ATP2A2: variants seen among roughly 807,000 people sequenced by gnomAD.
ATP2A2 encodes the protein sarcoplasmic/endoplasmic reticulum calcium ATPase 2.
A neutral mutation model predicts 109.3 loss-of-function variants in ATP2A2; 14 were observed. The ratio of observed to expected loss-of-function variants is 0.13; its 90% CI spans 0.08 to 0.20. The LOEUF is 0.20. Ranked by LOEUF, ATP2A2 falls within the 10% of genes least tolerant of loss-of-function variation. The pLI, the probability that ATP2A2 is intolerant of heterozygous loss-of-function variation, is 1.00. For missense variants in ATP2A2, 657 were observed against 1,321.6 expected (o/e 0.50, Z 7.80); for synonymous variants, 506 against 490.9 (o/e 1.03, Z -0.41).
intron 18 of ATP2A2, 70 bp from the exon 19 acceptor site, chr12:110,345,930 AG>A: frequency 6.9e-7 from 1 of 1,448,896 alleles, no homozygotes; most frequent in Non-Finnish European, 9.7e-7. Context: ...GTAGTCCAAC[AG>A]GGTCTTACTG....
intron 3 of ATP2A2, among the ~76,000 whole-genome samples, chr12:110,290,121 A>G (rs959982917): frequency 3.3e-5 from 5 of 152,254 alleles, no homozygotes; most frequent in African/African-American, 1.2e-4. Flanking sequence ...TACAAAATAC[A>G]CTTCGGATCT....
intron 5 of ATP2A2, 71 bp downstream of exon 5, chr12:110,296,808 A>G (rs1172589279): frequency 4.6e-6 from 7 of 1,505,964 alleles, no homozygotes; most frequent in Non-Finnish European, 6.4e-6. Flanking sequence ...CTCAAGGCTC[A>G]TAATTATATT....
At chr12:110,312,849 CAA>C (rs34180879) in intron 5 of ATP2A2, among the ~76,000 whole-genome samples, 37 of 66,076 alleles carry the variant, frequency 5.6e-4, no homozygotes, top group Admixed American at 8.5e-4. Context: ...GACTCTGTTG[CAA>C]AAAAAAAAAA....
At position 110,350,558 on chromosome 12, in the gene ATP2A2, CT is replaced by C; in HGVS notation, c.*4091del. On this transcript the variant is annotated 3_prime_UTR_variant, in exon 20 of 20. Coordinates refer to ENST00000539276, the MANE Select transcript of ATP2A2 (RefSeq NM_170665.4). ...AAGCCTCTCCAGAGAAGTTTGGTTT[CT>C]TTGCTGCAAGAGGAATGAGGCTCTG... 1 of 597,192 alleles carries C rather than the reference CT, an allele frequency of 1.7e-6. No homozygotes were observed. The highest frequency in any genetic ancestry group is 2.9e-6 in the Non-Finnish European group (1 of 349,422). 37.0% of individuals were successfully genotyped at this position (597,192 alleles called of 1,614,324 possible).
At chr12:110,311,735 A>T (rs1319584778) in intron 5 of ATP2A2, among the ~76,000 whole-genome samples, 76 of 130,896 alleles carry the variant, frequency 5.8e-4, no homozygotes, top group African/African-American at 2.2e-3. Flanking sequence ...AATTGTTTAA[A>T]AAAAAAAAAA....
At chr12:110,335,285 G>A (rs1878735732) in intron 11 of ATP2A2, among the ~76,000 whole-genome samples, 1 of 152,218 alleles carries the variant, frequency 6.6e-6, no homozygotes, top group Non-Finnish European at 1.5e-5. Context: ...ACGGCTGCTG[G>A]TGAAGAATGG....
rs1566242221 is a variant in ATP2A2 at position 110,344,977 on chromosome 12, C to T, written c.2607+6C>T. On this transcript the variant is annotated splice_donor_region_variant and intron_variant, in intron 17 of 19. Coordinates refer to ENST00000539276, the MANE Select transcript of ATP2A2 (RefSeq NM_170665.4). The stretch of plus-strand genomic sequence containing the variant: ...GAGTGTCCTTCTACCAGCTGGTACT[C>T]AGTCACCTTTCTTTCTGTACCTTAC... The T allele has an allele frequency of 6.2e-7, 1 of 1,613,766 alleles. No individual in the cohort carries two copies. Among genetic ancestry groups the T allele is most frequent in the Admixed American group, 1.7e-5 (1 of 60,026 alleles).
chr12:110,286,327 C>A (rs1566198196), intron 3 of ATP2A2, among the ~76,000 whole-genome samples: 1 of 152,158 alleles, frequency 6.6e-6, no homozygotes, highest in Non-Finnish European at 1.5e-5. Flanking sequence ...GAAGAGAATA[C>A]TCAAAGCATT....
Position 110,347,508 on chromosome 12 carries a change from G to A in ATP2A2, c.*1038G>A. 1 of 1,288,910 alleles carries A rather than the reference G, an allele frequency of 7.8e-7. No homozygotes were observed. The highest frequency in any genetic ancestry group is 1.0e-6 in the Non-Finnish European group (1 of 988,536). The allele number at this position is 1,288,910 out of a possible 1,614,324, so 79.8% of individuals were successfully genotyped here. Reference sequence around the variant, plus strand: ...TGTACAGGCACTAATTGTCATCTGTGATGTACATTTTATGCAAGTTTCTGC... The same window carrying A: ...TGTACAGGCACTAATTGTCATCTGTAATGTACATTTTATGCAAGTTTCTGC... On this transcript the variant is annotated 3_prime_UTR_variant, in exon 20 of 20. Transcript: ENST00000539276.
At position 110,346,753 on chromosome 12, in the gene ATP2A2, T is replaced by C; in HGVS notation, c.*283T>C. 8.1e-7 allele frequency: 1 copy of C among 1,238,620 alleles called. No individual in the cohort carries two copies. The highest frequency in any genetic ancestry group is 4.3e-5 in the East Asian group (1 of 23,212). The allele number at this position is 1,238,620 out of a possible 1,614,324, so 76.7% of individuals were successfully genotyped here. A position where few individuals can be genotyped will look rare whatever the true frequency, so the allele number is the denominator to read the frequency against. On this transcript the variant is annotated 3_prime_UTR_variant, in exon 20 of 20. Transcript: ENST00000539276. ...GCATGTACAGTGTTCTGTTTAATACTCATCCTTGTATAAAAAAAATAGTTG... is the reference window on the plus strand; with the variant it reads ...GCATGTACAGTGTTCTGTTTAATACCCATCCTTGTATAAAAAAAATAGTTG...
At chr12:110,286,673 A>G (rs946586093) in intron 3 of ATP2A2, among the ~76,000 whole-genome samples, 1 of 151,566 alleles carries the variant, frequency 6.6e-6, no homozygotes, top group African/African-American at 2.4e-5. Flanking sequence ...CATTCTCGAA[A>G]TGTTTAATTT....
chr12:110,320,029 G>A (rs866831712), intron 5 of ATP2A2, among the ~76,000 whole-genome samples: 18 of 152,198 alleles, frequency 1.2e-4, no homozygotes, highest in Non-Finnish European at 1.3e-4. Flanking sequence ...AGCATTTTGG[G>A]TAAGGGATAC....
chr12:110,343,562 C>A, intron 16 of ATP2A2, 128 bp downstream of exon 16: 1 of 1,074,722 alleles, frequency 9.3e-7, no homozygotes, highest in Non-Finnish European at 1.4e-6. Flanking sequence ...GACAGAGATG[C>A]CCTCTTACAG....
At chr12:110,322,867 T>C (rs1877383338) in intron 5 of ATP2A2, 125 bp from the exon 6 acceptor site, 1 of 756,962 alleles carries the variant, frequency 1.3e-6, no homozygotes. Context: ...AACTGAATTT[T>C]ATGTATTTGT....
intron 14 of ATP2A2, 121 bp downstream of exon 14, chr12:110,341,115 C>G: frequency 9.2e-7 from 1 of 1,092,116 alleles, no homozygotes; most frequent in Admixed American, 2.0e-5. Flanking sequence ...TGATTTGGGT[C>G]TTTTCTCTAG....
chr12:110,290,608 T>A (rs1873157554), intron 3 of ATP2A2, among the ~76,000 whole-genome samples: 1 of 152,236 alleles, frequency 6.6e-6, no homozygotes, highest in Admixed American at 6.5e-5. Context: ...TTTTAAGAAG[T>A]ATAGTTGTTT....
chr12:110,310,950 A>C (rs1434786323), intron 5 of ATP2A2, among the ~76,000 whole-genome samples: 3 of 152,242 alleles, frequency 2.0e-5, no homozygotes, highest in African/African-American at 4.8e-5. Flanking sequence ...TTCATATAAG[A>C]ACCTGGATTA....
In ATP2A2 at chr12:110,340,645, TG is replaced by T. The variant is rs751388013; in HGVS notation, c.1762-13del. 1.2e-6 allele frequency: 2 copies of T among 1,613,968 alleles called. No individual in the cohort carries two copies. Among genetic ancestry groups the T allele is most frequent in the East Asian group, 4.5e-5 (2 of 44,882 alleles). ...AACTTGCCACTTTTATTTAAAGTGA[TG>T]CTCTTATTTTAGACCAATCTGACCT... On this transcript the variant is annotated splice_polypyrimidine_tract_variant and intron_variant, in intron 13 of 19. Coordinates refer to ENST00000539276, the MANE Select transcript of ATP2A2 (RefSeq NM_170665.4). The surrounding 1 kb of genome is among the most constrained non-coding windows in gnomAD (Gnocchi z 6.0).
At chr12:110,294,195 C>G (rs928037866) in intron 4 of ATP2A2, among the ~76,000 whole-genome samples, 7 of 152,014 alleles carry the variant, frequency 4.6e-5, no homozygotes, top group African/African-American at 1.7e-4. Context: ...AGGTGCCCAC[C>G]ACCACGCCCA....
Sources: gnomAD v4.1 joint callset for allele counts (sites outside exome capture counted in the v4.1 genomes callset) on GRCh38, gnomAD v4.1.1 for gene constraint, Gnocchi (gnomAD v3.1) non-coding constraint, MANE v1.5 for transcripts, NCBI Gene and HGNC (gene_info 2026-07-23, HGNC 2026-07-21) for gene names.